The following CACNA1D variants were observed in gnomAD, a reference collection of about 807,000 sequenced individuals.
CACNA1D encodes calcium voltage-gated channel subunit alpha1 D.
A neutral mutation model predicts 257.1 loss-of-function variants in CACNA1D; 55 were observed. The ratio of observed to expected loss-of-function variants is 0.21; its 90% CI spans 0.17 to 0.27. CACNA1D has a LOEUF of 0.27. Among genes scored for constraint, CACNA1D ranks in the 10% least tolerant of loss-of-function variants. The pLI is 1.00. For synonymous variants in CACNA1D, 980 were observed against 1,014.9 expected, an observed-to-expected ratio of 0.97 and a Z score of 0.65; for missense variants, 1,876 against 2,784.0, an observed-to-expected ratio of 0.67 and a Z score of 7.34.
chr3:53,505,103 A>ATT (rs2090771609), intron 3 of CACNA1D, among the ~76,000 whole-genome samples: 1 of 105,622 alleles, frequency 9.5e-6, no homozygotes. Flanking sequence ...GGTGCTTTTT[A>ATT]TTTGTTTATT....
At position 53,740,333 on chromosome 3, in the gene CACNA1D, G is replaced by C. The variant is rs150266932; in HGVS notation, c.2805G>C (p.Leu935=). ...AFTAIFTVEI[L]LKMTTFGAFL... ...CAGCCATCTTTACTGTTGAGATCCT[G>C]TTGAAGGTAATGAATTTTCCTTGAT... Residue 935 remains leucine, a synonymous_variant, in exon 21 of 48, where the codon CTG becomes CTC. Transcript: ENST00000350061. 755 of 1,607,828 alleles carry C rather than the reference G, an allele frequency of 4.7e-4. 1 individual carries two copies. The highest frequency in any genetic ancestry group is 2.0e-3 in the African/African-American group (151 of 74,924).
At chr3:53,571,501 T>C (rs930252346) in intron 3 of CACNA1D, among the ~76,000 whole-genome samples, 1 of 152,076 alleles carries the variant, frequency 6.6e-6, no homozygotes, top group Non-Finnish European at 1.5e-5. Flanking sequence ...GATAGTTGGT[T>C]ATACGAATGG....
intron 37 of CACNA1D, among the ~76,000 whole-genome samples, chr3:53,779,000 T>C (rs1164100107): frequency 6.6e-6 from 1 of 152,156 alleles, no homozygotes; most frequent in Non-Finnish European, 1.5e-5. Flanking sequence ...TCACAACAGC[T>C]TTAAAAACAT....
At chr3:53,504,877 C>T (rs763645564) in intron 3 of CACNA1D, among the ~76,000 whole-genome samples, 8 of 152,050 alleles carry the variant, frequency 5.3e-5, no homozygotes, top group Admixed American at 2.6e-4. Context: ...CTCTTCCTCC[C>T]GGTGCTACCT....
intron 3 of CACNA1D, among the ~76,000 whole-genome samples, chr3:53,631,882 G>T (rs1460162140): frequency 6.6e-6 from 1 of 152,216 alleles, no homozygotes; most frequent in Non-Finnish European, 1.5e-5. Flanking sequence ...CAGTGGGCTT[G>T]AAATATTCAG....
chr3:53,655,032 T>G (rs2094135073), intron 4 of CACNA1D, among the ~76,000 whole-genome samples: 1 of 152,176 alleles, frequency 6.6e-6, no homozygotes, highest in South Asian at 2.1e-4. Flanking sequence ...TGTGTTCTCA[T>G]CATTTAGCTC....
chr3:53,699,068 T>C (rs910433896), intron 8 of CACNA1D, among the ~76,000 whole-genome samples: 1 of 152,204 alleles, frequency 6.6e-6, no homozygotes, highest in Non-Finnish European at 1.5e-5. Flanking sequence ...CAAAGTTTGA[T>C]AGAAGGTGCC....
At chr3:53,735,087 C>T (rs1329320024) in intron 19 of CACNA1D, among the ~76,000 whole-genome samples, 1 of 152,202 alleles carries the variant, frequency 6.6e-6, no homozygotes, top group East Asian at 1.9e-4. Context: ...CTCAGTTTCC[C>T]CATCTTGAGG....
chr3:53,537,495 A>G (rs1358019320), intron 3 of CACNA1D, among the ~76,000 whole-genome samples: 1 of 152,168 alleles, frequency 6.6e-6, no homozygotes, highest in Non-Finnish European at 1.5e-5. Flanking sequence ...TTCAGTATGT[A>G]TCTCTAAAAT....
intron 32 of CACNA1D, among the ~76,000 whole-genome samples, chr3:53,770,779 C>A (rs986859647): frequency 1.2e-4 from 18 of 152,216 alleles, no homozygotes; most frequent in Non-Finnish European, 2.6e-4. Flanking sequence ...GGATCCGTAG[C>A]TGAGAGATCT....
chr3:53,734,754 G>A (rs2095041248), intron 19 of CACNA1D, among the ~76,000 whole-genome samples: 1 of 152,064 alleles, frequency 6.6e-6, no homozygotes. Flanking sequence ...CACTTTCTGA[G>A]GACTGCTTGT....
intron 3 of CACNA1D, among the ~76,000 whole-genome samples, chr3:53,586,588 T>C (rs1048655790): frequency 2.0e-5 from 3 of 152,200 alleles, no homozygotes; most frequent in African/African-American, 7.2e-5. Context: ...CTGCTAGTAT[T>C]CTAAAACTAA....
intron 8 of CACNA1D, among the ~76,000 whole-genome samples, chr3:53,690,038 T>C (rs139276500): frequency 2.2e-4 from 34 of 152,318 alleles, no homozygotes; most frequent in African/African-American, 8.2e-4. Flanking sequence ...ATGAGGTAAG[T>C]GTTCTTTGCC....
intron 17 of CACNA1D, among the ~76,000 whole-genome samples, chr3:53,731,796 C>T (rs552700547): frequency 3.3e-5 from 5 of 152,346 alleles, no homozygotes; most frequent in African/African-American, 4.8e-5. Flanking sequence ...TGGCTAACCA[C>T]GACTGGGTCA....
At chr3:53,616,700 A>G (rs902501738) in intron 3 of CACNA1D, among the ~76,000 whole-genome samples, 3 of 152,226 alleles carry the variant, frequency 2.0e-5, no homozygotes, top group African/African-American at 7.2e-5. Flanking sequence ...CGGTTATCCA[A>G]TCAGCCATGC....
At chr3:53,555,097 C>T (rs1575849763) in intron 3 of CACNA1D, among the ~76,000 whole-genome samples, 1 of 152,034 alleles carries the variant, frequency 6.6e-6, no homozygotes, top group African/African-American at 2.4e-5. Context: ...ACTATGTTTC[C>T]CATAGCTTAT....
chr3:53,776,771 T>A, intron 36 of CACNA1D, 41 bp downstream of exon 36: 1 of 1,614,150 alleles, frequency 6.2e-7, no homozygotes, highest in African/African-American at 1.3e-5. Context: ...GTGGGTGGAT[T>A]TTGGAATGTC....
At chr3:53,706,802 T>C (rs373038337) in intron 9 of CACNA1D, among the ~76,000 whole-genome samples, 52 of 152,264 alleles carry the variant, frequency 3.4e-4, no homozygotes, top group African/African-American at 1.2e-3. Flanking sequence ...CTCCAATGCC[T>C]ATTATTCCAT....
intron 20 of CACNA1D, among the ~76,000 whole-genome samples, 189 bp downstream of exon 20, chr3:53,735,692 A>G (rs528732333): frequency 6.6e-6 from 1 of 152,208 alleles, no homozygotes; most frequent in Non-Finnish European, 1.5e-5. Flanking sequence ...GTAAATCTGA[A>G]TGGAATCATT....
Sources: gnomAD v4.1 joint callset for allele counts (sites outside exome capture counted in the v4.1 genomes callset) on GRCh38, gnomAD v4.1.1 for gene constraint, MANE v1.5 for transcripts, NCBI Gene and HGNC (gene_info 2026-07-23, HGNC 2026-07-21) for gene names.